The following PSG1 variants were observed in gnomAD, a reference collection of about 807,000 sequenced individuals.
The protein encoded by PSG1 is pregnancy-specific beta-1-glycoprotein 1.
A neutral mutation model predicts 41.4 loss-of-function variants in PSG1; 60 were observed. The ratio of observed to expected loss-of-function variants is 1.45; its 90% CI spans 1.18 to 1.80. PSG1 has a LOEUF of 1.80. Among genes scored for constraint, PSG1 ranks in the 40% most tolerant of loss-of-function variants. The pLI, the probability that PSG1 is intolerant of heterozygous loss-of-function variation, is 0.00. For synonymous variants in PSG1, 256 were observed against 192.9 expected (o/e 1.33, Z -2.71); for missense variants, 806 against 516.9 (o/e 1.56, Z -5.42).
intron 3 of PSG1, among the ~76,000 whole-genome samples, chr19:42,871,472 A>G (rs566633751): frequency 3.0e-4 from 46 of 151,788 alleles, no homozygotes; most frequent in South Asian, 8.4e-4. Context: ...CACAACATTG[A>G]AGTCCCAGCC....
rs150133383 is a variant in PSG1 at position 42,868,800 on chromosome 19, C to T, written c.944G>A (p.Arg315Gln). ...TGGGTCACTGCGGATGCCACCATATCGGTCCCGTATTTCACATTGATAGGG... is the reference window on the plus strand; with the variant it reads ...TGGGTCACTGCGGATGCCACCATATTGGTCCCGTATTTCACATTGATAGGG... Reference protein sequence around the residue: ...TGPYQCEIRDRYGGIRSDPVT... With the variant: ...TGPYQCEIRDQYGGIRSDPVT... The change falls in exon 4 of 6, where the codon CGA (arginine) becomes CAA (glutamine). Residue 315 changes from arginine (R) to glutamine (Q), a missense_variant. Transcript: ENST00000436291. 3,329 of 1,611,790 alleles carry T rather than the reference C, an allele frequency of 2.1e-3. 108 individuals carry two copies. In the African/African-American group the frequency reaches 0.031, roughly 15 times the overall value.
Position 42,866,671 on chromosome 19 carries a change from C to G in PSG1, c.*463G>C. 1 of 320,152 alleles carries G rather than the reference C, an allele frequency of 3.1e-6. No individual in the cohort carries two copies. Among genetic ancestry groups the G allele is most frequent in the Non-Finnish European group, 5.9e-6 (1 of 170,158 alleles). The allele number at this position is 320,152 out of a possible 1,614,324, so 19.8% of individuals were successfully genotyped here. ...TCTGTGTTCATTTCTATTGGGAGCC[C>G]TGTATGCAAGGTGGAGAGAGCCACA... On this transcript the variant is annotated 3_prime_UTR_variant, in exon 6 of 6. Coordinates refer to ENST00000436291, the MANE Select transcript of PSG1 (RefSeq NM_001184825.2).
intron 1 of PSG1, 128 bp from the exon 2 acceptor site, chr19:42,878,406 A>AACACACACACAC: frequency 8.4e-7 from 1 of 1,190,186 alleles, no homozygotes. Context: ...CACACATACA[A>AACACACACACAC]ACACACACAC....
In PSG1 at chr19:42,867,103, G is replaced by A. The variant is rs765291150; in HGVS notation, c.*31C>T. ...GGTCTTGCTCTTAGTGATTCCATGGGAGAAAATGGAATTGGAGGTACTAGT... is the reference window on the plus strand; with the variant it reads ...GGTCTTGCTCTTAGTGATTCCATGGAAGAAAATGGAATTGGAGGTACTAGT... On this transcript the variant is annotated 3_prime_UTR_variant, in exon 6 of 6. Transcript: ENST00000436291. The A allele has an allele frequency of 9.1e-6, 7 of 772,668 alleles. No individual in the cohort carries two copies. The highest frequency in any genetic ancestry group is 2.4e-5 in the East Asian group (1 of 41,168). The allele number at this position is 772,668 out of a possible 1,614,324, so 47.9% of individuals were successfully genotyped here. A position where few individuals can be genotyped will look rare whatever the true frequency, so the allele number is the denominator to read the frequency against.
At chr19:42,868,435 A>G in intron 4 of PSG1, 80 bp from the exon 5 acceptor site, 1 of 1,490,608 alleles carries the variant, frequency 6.7e-7, no homozygotes. Flanking sequence ...GGACACAGTG[A>G]CCCTCTGAGC....
chr19:42,878,887 T>TC (rs908368048), intron 1 of PSG1, among the ~76,000 whole-genome samples: 1 of 151,562 alleles, frequency 6.6e-6, no homozygotes, highest in Non-Finnish European at 1.5e-5. Context: ...GTGTTTTTTT[T>TC]CCCCCAATTG....
Position 42,871,877 on chromosome 19 carries a change from C to T in PSG1, c.599G>A (p.Arg200Lys), listed in dbSNP as rs1335089516. 11 of 1,612,444 alleles carry T rather than the reference C, an allele frequency of 6.8e-6. 1 individual carries two copies. Among genetic ancestry groups the T allele is most frequent in the East Asian group, 2.2e-5 (1 of 44,798 alleles). The change falls in exon 3 of 6, where the codon AGG becomes AAG. Residue 200 changes from arginine (R) to lysine (K), a missense_variant. Physicochemically the swap from Arg to Lys is conservative, Grantham distance 26. Coordinates refer to ENST00000436291, the MANE Select transcript of PSG1 (RefSeq NM_001184825.2). ...THSLKLSETN[R>K]TLFLLGVTKY... Reference sequence around the variant, plus strand: ...TGTGACACCCAATAGAAAGAGGGTCCTGTTGGTTTCGGACAGCTTCAAGCT... The same window carrying T: ...TGTGACACCCAATAGAAAGAGGGTCTTGTTGGTTTCGGACAGCTTCAAGCT...
chr19:42,877,219 C>A (rs1364569711), intron 2 of PSG1, among the ~76,000 whole-genome samples: 2 of 151,658 alleles, frequency 1.3e-5, no homozygotes, highest in African/African-American at 4.8e-5. Flanking sequence ...TCTTCTGTTT[C>A]TGCTTCTGGG....
chr19:42,878,305 A>G, intron 1 of PSG1, 27 bp from the exon 2 acceptor site: 1 of 1,587,682 alleles, frequency 6.3e-7, no homozygotes, highest in East Asian at 2.2e-5. Context: ...ACATCAGTCA[A>G]TATTGAGACC....
In PSG1 at chr19:42,869,004, T is replaced by G; in HGVS notation, c.740A>C (p.Asn247Thr). 1 of 1,610,760 alleles carries G rather than the reference T, an allele frequency of 6.2e-7. No individual in the cohort carries two copies. The highest frequency in any genetic ancestry group is 1.1e-5 in the South Asian group (1 of 90,742). Reference protein sequence around the residue: ...PKLPKPYITINNLNPRENKDV... With the variant: ...PKLPKPYITITNLNPRENKDV... Reference sequence around the variant, plus strand: ...CTTATTCTCCCTGGGGTTTAAGTTGTTGATGGTGATGTAGGGCTTGGGCAG... The same window carrying G: ...CTTATTCTCCCTGGGGTTTAAGTTGGTGATGGTGATGTAGGGCTTGGGCAG... Residue 247 changes from asparagine (N) to threonine (T), a missense_variant, in exon 4 of 6, where the codon AAC becomes ACC. Transcript: ENST00000436291.
chr19:42,877,524 G>A (rs1189010232), intron 2 of PSG1, among the ~76,000 whole-genome samples: 1 of 151,760 alleles, frequency 6.6e-6, no homozygotes, highest in African/African-American at 2.4e-5. Context: ...AGGGTCTGGG[G>A]TTGAGGCTTC....
intron 3 of PSG1, 114 bp from the exon 4 acceptor site, chr19:42,869,148 G>A: frequency 1.3e-6 from 2 of 1,537,374 alleles, no homozygotes; most frequent in Middle Eastern, 2.4e-4. Flanking sequence ...GTCCTTGAAA[G>A]CCAATAGCTG....
intron 2 of PSG1, among the ~76,000 whole-genome samples, chr19:42,877,675 C>T (rs547992592): frequency 1.3e-5 from 2 of 151,826 alleles, no homozygotes; most frequent in East Asian, 1.9e-4. Context: ...TGCTGAGTCC[C>T]CCCATCAGAC....
In PSG1 at chr19:42,867,021, C is replaced by T. The variant is rs1555732044; in HGVS notation, c.*113G>A. 2.6e-6 allele frequency: 2 copies of T among 766,892 alleles called. No homozygotes were observed. The highest frequency in any genetic ancestry group is 3.4e-5 in the Admixed American group (2 of 58,892). 47.5% of individuals were successfully genotyped at this position (766,892 alleles called of 1,614,324 possible). A position where few individuals can be genotyped will look rare whatever the true frequency, so the allele number is the denominator to read the frequency against. On this transcript the variant is annotated 3_prime_UTR_variant, in exon 6 of 6. Coordinates refer to ENST00000436291, the MANE Select transcript of PSG1 (RefSeq NM_001184825.2). The stretch of plus-strand genomic sequence containing the variant: ...CATGCTTCACGTACAAGGGTTTTCC[C>T]ATGAAATTTACATTGAGTTGTCCAC...
chr19:42,868,489 C>G, intron 4 of PSG1, 134 bp from the exon 5 acceptor site: 2 of 1,487,576 alleles, frequency 1.3e-6, no homozygotes, highest in South Asian at 2.7e-5. Flanking sequence ...TCTATGTTCA[C>G]TGAGCCGAAT....
rs767366523 is a variant in PSG1 at position 42,877,906 on chromosome 19, CACTT to C, written c.430+3_430+6del. 8 of 1,611,810 alleles carry C rather than the reference CACTT, an allele frequency of 5.0e-6. No individual in the cohort carries two copies. Among genetic ancestry groups the C allele is most frequent in the African/African-American group, 4.0e-5 (3 of 74,670 alleles). The stretch of plus-strand genomic sequence containing the variant: ...CCAACACCCAGGGATCATGTGGAAT[CACTT>C]ACGGTGTAAGGTGAAGGTGAAACGT... On this transcript the variant is annotated splice_donor_5th_base_variant and intron_variant, in intron 2 of 5. Coordinates refer to ENST00000436291, the MANE Select transcript of PSG1 (RefSeq NM_001184825.2).
intron 2 of PSG1, among the ~76,000 whole-genome samples, chr19:42,877,627 A>G (rs562781345): frequency 1.3e-4 from 20 of 151,780 alleles, no homozygotes; most frequent in Admixed American, 2.6e-4. Context: ...AAATTTATGA[A>G]GAGGGCATGA....
At chr19:42,870,164 T>G in intron 3 of PSG1, 1 of 151,832 alleles carries the variant, frequency 6.6e-6, no homozygotes, top group East Asian at 1.9e-4. Flanking sequence ...GCTGTAGAGC[T>G]TGATGCCTAT....
At chr19:42,877,169 C>A (rs1203752755) in intron 2 of PSG1, among the ~76,000 whole-genome samples, 1 of 151,658 alleles carries the variant, frequency 6.6e-6, no homozygotes, top group African/African-American at 2.4e-5. Flanking sequence ...ACCTTTACGT[C>A]AGATCCCTGT....
Sources: allele counts gnomAD v4.1 joint callset (sites outside exome capture counted in the v4.1 genomes callset), GRCh38; gene constraint gnomAD v4.1.1; transcripts MANE v1.5; gene names NCBI Gene and HGNC (gene_info 2026-07-23, HGNC 2026-07-21).